Variants in IQCM observed in about 807,000 individuals in gnomAD.
The protein encoded by IQCM is IQ domain-containing protein M.
Under a neutral mutation model 57.6 loss-of-function variants are expected in IQCM, and 45 were observed. That is an observed-to-expected ratio of 0.78 (90% CI 0.62 to 1.00). IQCM has a LOEUF of 1.00. Among genes scored for constraint, IQCM ranks in the 50% least tolerant of loss-of-function variants. The pLI is 0.00. For missense variants in IQCM, 468 were observed against 511.6 expected (o/e 0.91, Z 0.82); for synonymous variants, 148 against 158.9 (o/e 0.93, Z 0.51).
At chr4:149,536,058 A>G (rs746544318) in intron 12 of IQCM, among the ~76,000 whole-genome samples, 2 of 152,018 alleles carry the variant, frequency 1.3e-5, no homozygotes, top group Non-Finnish European at 2.9e-5. Flanking sequence ...TGATGATAAG[A>G]CAAATCTTTC....
intron 12 of IQCM, among the ~76,000 whole-genome samples, chr4:149,471,609 T>C (rs1434057069): frequency 6.6e-6 from 1 of 152,182 alleles, no homozygotes. Flanking sequence ...TAATCCTCCC[T>C]AATTCATTTT....
At chr4:149,444,699 A>C (rs1288466437) in intron 12 of IQCM, among the ~76,000 whole-genome samples, 4 of 151,868 alleles carry the variant, frequency 2.6e-5, no homozygotes, top group Non-Finnish European at 5.9e-5. Flanking sequence ...ACAGATTAGC[A>C]GGCACTAAGA....
intron 9 of IQCM, among the ~76,000 whole-genome samples, chr4:149,572,189 G>A (rs1751222927): frequency 6.6e-6 from 1 of 152,082 alleles, no homozygotes; most frequent in Admixed American, 6.6e-5. Context: ...AAGCAAAAGG[G>A]ACTGGCTTCC....
chr4:149,675,617 T>C (rs1022436268), intron 7 of IQCM, among the ~76,000 whole-genome samples: 1 of 151,864 alleles, frequency 6.6e-6, no homozygotes, highest in Non-Finnish European at 1.5e-5. Flanking sequence ...CAAAATTATA[T>C]AGAGTGGGGT....
chr4:149,788,600 A>C (rs1174662522), intron 2 of IQCM, among the ~76,000 whole-genome samples: 2 of 152,208 alleles, frequency 1.3e-5, no homozygotes, highest in Non-Finnish European at 2.9e-5. Context: ...TGCTCAAAAA[A>C]TTAAAAATAG....
rs182515836 is a variant in IQCM at position 149,742,854 on chromosome 4, T to A, written c.-48-115A>T. The stretch of plus-strand genomic sequence containing the variant: ...TGATTAAAACTTTTTATATGTCATT[T>A]CTGTGCTCTATAACCTTCAATGCCT... On this transcript the variant is annotated intron_variant, in intron 2 of 13. Transcript: ENST00000636793. The A allele has an allele frequency of 1.2e-3, 513 of 425,366 alleles. 4 individuals are homozygous for A. The highest frequency in any genetic ancestry group is 9.1e-3 in the African/African-American group (445 of 49,112). 26.3% of individuals were successfully genotyped at this position (425,366 alleles called of 1,614,324 possible).
intron 12 of IQCM, among the ~76,000 whole-genome samples, chr4:149,437,024 C>T (rs1735428261): frequency 6.6e-6 from 1 of 152,226 alleles, no homozygotes; most frequent in Admixed American, 6.6e-5. Context: ...GCTCAAGATA[C>T]TGAAGCATAG....
rs577671247 is a variant in IQCM at position 149,371,844 on chromosome 4, C to T, written c.1391-19778G>A. ...AAAACCCCAACTTTTTCTGGATTCA[C>T]GTGTAGCATTTCTCTGCTTCTAAGG... On this transcript the variant is annotated intron_variant, in intron 13 of 13. Coordinates refer to ENST00000636793, the MANE Select transcript of IQCM (RefSeq NM_001363507.2). Among the ~76,000 whole-genome samples, 89 of 152,180 alleles carry T rather than the reference C, an allele frequency of 5.8e-4. No individual in the cohort carries two copies. The Middle Eastern group carries it at 0.01, about 17-fold the overall frequency.
chr4:149,364,223 G>A (rs970620837), intron 13 of IQCM, among the ~76,000 whole-genome samples: 5 of 152,094 alleles, frequency 3.3e-5, no homozygotes, highest in African/African-American at 7.2e-5. Flanking sequence ...AAATCTCAAC[G>A]ATAAAAGTCA....
chr4:149,692,162 C>A (rs1210703604), intron 5 of IQCM, among the ~76,000 whole-genome samples: 5 of 152,162 alleles, frequency 3.3e-5, no homozygotes, highest in East Asian at 1.9e-4. Context: ...CACTCTTCCC[C>A]TGCCACAGTG....
rs573734417 is a variant in IQCM at position 149,643,282 on chromosome 4, G to A, written c.566-22038C>T. Among the ~76,000 whole-genome samples the A allele has an allele frequency of 5.3e-4, 81 of 152,292 alleles. 1 individual carries two copies. In the South Asian group the frequency reaches 0.015, roughly 28 times the overall value. On this transcript the variant is annotated intron_variant, in intron 7 of 13. Coordinates refer to ENST00000636793, the MANE Select transcript of IQCM (RefSeq NM_001363507.2). The stretch of plus-strand genomic sequence containing the variant: ...TTGTGTCAGGCATGTACCAAGTGTT[G>A]ACAATGCAAGATGAACAAGAAGAAG...
intron 10 of IQCM, among the ~76,000 whole-genome samples, chr4:149,553,569 T>C (rs896621393): frequency 3.3e-5 from 5 of 152,198 alleles, no homozygotes; most frequent in Non-Finnish European, 7.4e-5. Context: ...TGTGTGCAGA[T>C]TTCCATAATA....
chr4:149,371,785 G>T (rs566976842), intron 13 of IQCM, among the ~76,000 whole-genome samples: 1 of 152,186 alleles, frequency 6.6e-6, no homozygotes, highest in Non-Finnish European at 1.5e-5. Context: ...AACTGCACTG[G>T]AACTGAAGAG....
chr4:149,595,418 G>A (rs371344998), intron 8 of IQCM, among the ~76,000 whole-genome samples: 7 of 152,038 alleles, frequency 4.6e-5, no homozygotes, highest in Admixed American at 1.3e-4. Flanking sequence ...CACATAATAC[G>A]AAATGTTTGT....
chr4:149,701,276 GT>G (rs112566512), intron 5 of IQCM, among the ~76,000 whole-genome samples: 7 of 152,074 alleles, frequency 4.6e-5, no homozygotes, highest in African/African-American at 1.7e-4. Context: ...ATTTTTTCAT[GT>G]GTTGGGGGGA....
At chr4:149,441,148 T>C (rs1341671344) in intron 12 of IQCM, among the ~76,000 whole-genome samples, 1 of 152,184 alleles carries the variant, frequency 6.6e-6, no homozygotes, top group African/African-American at 2.4e-5. Context: ...GCATCTTTAC[T>C]GAAGCATGAA....
chr4:149,417,369 T>C (rs1279754312), intron 13 of IQCM, among the ~76,000 whole-genome samples: 2 of 152,106 alleles, frequency 1.3e-5, no homozygotes, highest in African/African-American at 2.4e-5. Context: ...CACATGGATT[T>C]TGATCCCCTC....
At chr4:149,529,969 C>T (rs1037201693) in intron 12 of IQCM, among the ~76,000 whole-genome samples, 3 of 152,138 alleles carry the variant, frequency 2.0e-5, no homozygotes, top group Non-Finnish European at 4.4e-5. Context: ...CACCACCTGC[C>T]TTGATCCATC....
At chr4:149,572,954 A>G (rs1471214731) in intron 9 of IQCM, among the ~76,000 whole-genome samples, 1 of 151,942 alleles carries the variant, frequency 6.6e-6, no homozygotes, top group Non-Finnish European at 1.5e-5. Flanking sequence ...AAGAGCATAC[A>G]ACCTAGTAAT....
Sources: allele counts gnomAD v4.1 joint callset (sites outside exome capture counted in the v4.1 genomes callset), GRCh38; gene constraint gnomAD v4.1.1; transcripts MANE v1.5; gene names NCBI Gene and HGNC (gene_info 2026-07-23, HGNC 2026-07-21).